The following SLK variants were observed in gnomAD, a reference collection of about 807,000 sequenced individuals.
SLK encodes the protein STE20 like kinase.
A neutral mutation model predicts 147.7 loss-of-function variants in SLK; 67 were observed. The ratio of observed to expected loss-of-function variants is 0.45; its 90% confidence interval spans 0.37 to 0.56. The LOEUF (loss-of-function observed/expected upper bound fraction) is 0.56, where lower values mean the gene tolerates loss of function less well. Ranked by LOEUF, SLK falls within the 20% of genes least tolerant of loss-of-function variation. The pLI, the probability that SLK is intolerant of heterozygous loss-of-function variation, is 0.00. For synonymous variants in SLK, 441 were observed against 475.0 expected (o/e 0.93, Z 0.93); for missense variants, 1,136 against 1,438.8 (o/e 0.79, Z 3.41).
At chr10:104,007,638 A>G (rs1346753933) in intron 11 of SLK, among the ~76,000 whole-genome samples, 1 of 88,400 alleles carries the variant, frequency 1.1e-5, no homozygotes, top group Non-Finnish European at 2.2e-5. Flanking sequence ...AACAGAAAAG[A>G]AAAAAAAAAA....
At chr10:103,986,692 T>G (rs200940931) in intron 1 of SLK, among the ~76,000 whole-genome samples, 3 of 125,080 alleles carry the variant, frequency 2.4e-5, no homozygotes, top group Non-Finnish European at 5.0e-5. Context: ...TTTTTTTTTT[T>G]CCCTGAGACA....
Position 103,999,919 on chromosome 10 carries a change from G to T in SLK, c.835G>T (p.Ala279Ser). Residue 279 changes from alanine to serine, a missense_variant, in exon 7 of 19, where the codon GCC (alanine) becomes TCC (serine). Physicochemically the swap from Ala to Ser is moderately conservative, Grantham distance 99 (BLOSUM62 1). Around this residue, in one of 6 missense-constraint regions of SLK, gnomAD observed 141 missense variants for 219.3 expected, o/e 0.64. Coordinates refer to ENST00000369755, the MANE Select transcript of SLK (RefSeq NM_014720.4). Reference sequence around the variant, plus strand: ...GAAATGCTTAGAAAAGAATGTGGATGCCAGGTGGACTACATCTCAGCTGCT... The same window carrying T: ...GAAATGCTTAGAAAAGAATGTGGATTCCAGGTGGACTACATCTCAGCTGCT... ...LKKCLEKNVD[A>S]RWTTSQLLQH... is the part of the protein sequence containing the mutation. The T allele has an allele frequency of 6.4e-7, 1 of 1,561,606 alleles. No homozygotes were observed.
At chr10:103,989,868 A>G (rs1844068855) in intron 1 of SLK, among the ~76,000 whole-genome samples, 1 of 152,228 alleles carries the variant, frequency 6.6e-6, no homozygotes, top group Admixed American at 6.5e-5. Flanking sequence ...AAACATGTCT[A>G]CACAGAAACC....
At chr10:104,007,540 G>A (rs1294159962) in intron 11 of SLK, among the ~76,000 whole-genome samples, 4 of 151,902 alleles carry the variant, frequency 2.6e-5, no homozygotes, top group East Asian at 1.9e-4. Flanking sequence ...TCTGGGAGGC[G>A]GAGGTTGTAG....
chr10:103,990,861 A>T, intron 2 of SLK, 22 bp downstream of exon 2: 1 of 1,439,676 alleles, frequency 6.9e-7, no homozygotes, highest in South Asian at 1.6e-5. Flanking sequence ...CTGTTGATCT[A>T]AAGGAGTAGC....
At chr10:103,975,189 C>A (rs76416280) in intron 1 of SLK, among the ~76,000 whole-genome samples, 28 of 150,542 alleles carry the variant, frequency 1.9e-4, no homozygotes, top group Admixed American at 1.8e-3. Flanking sequence ...CTAAGACCTC[C>A]CTTTTGAACT....
intron 11 of SLK, among the ~76,000 whole-genome samples, 165 bp downstream of exon 11, chr10:104,006,200 G>A (rs1304976544): frequency 6.6e-6 from 1 of 152,102 alleles, no homozygotes; most frequent in African/African-American, 2.4e-5. Context: ...TGGTGTTCTG[G>A]ATGCCTTTTA....
At chr10:104,014,767 C>G (rs1844441547) in intron 13 of SLK, among the ~76,000 whole-genome samples, 1 of 151,918 alleles carries the variant, frequency 6.6e-6, no homozygotes. Flanking sequence ...ATTGTTTATC[C>G]ACATTTAAAC....
chr10:103,984,963 G>T (rs1011353214), intron 1 of SLK, among the ~76,000 whole-genome samples: 2 of 152,154 alleles, frequency 1.3e-5, no homozygotes, highest in Non-Finnish European at 2.9e-5. Context: ...ATTTTTAATA[G>T]ATTTTTATGC....
rs199817641 is a variant in SLK at position 104,025,714 on chromosome 10, A to G, written c.3702A>G (p.Gly1234=). The change falls in exon 19 of 19, where the codon GGA becomes GGG. Residue 1234 remains glycine, a synonymous_variant. Coordinates refer to ENST00000369755, the MANE Select transcript of SLK (RefSeq NM_014720.4). ...CTATTCCCAGCTTGCATTCCACCGG[A>G]TCATAACAAAGGGAAGCATTCTGTG... ...FYPIPSLHST[G]S 5.6e-6 allele frequency: 9 copies of G among 1,613,918 alleles called. No homozygotes were observed. Among genetic ancestry groups the G allele is most frequent in the African/African-American group, 1.3e-5 (1 of 74,906 alleles).
At chr10:104,024,298 C>T (rs181211561) in intron 18 of SLK, among the ~76,000 whole-genome samples, 1 of 152,326 alleles carries the variant, frequency 6.6e-6, no homozygotes, top group African/African-American at 2.4e-5. Flanking sequence ...ACTCGCCTGC[C>T]ATCACCGGAG....
chr10:104,001,989 T>G (rs1333230961), intron 8 of SLK, among the ~76,000 whole-genome samples, 183 bp from the exon 9 acceptor site: 1 of 152,226 alleles, frequency 6.6e-6, no homozygotes, highest in Non-Finnish European at 1.5e-5. Context: ...GTGCTGGGAT[T>G]ACAGGTGTGT....
In SLK at chr10:103,993,039, A is replaced by C. The variant is rs745837156; in HGVS notation, c.420A>C (p.Leu140Phe). The C allele has an allele frequency of 6.2e-7, 1 of 1,610,102 alleles. No homozygotes were observed. Among genetic ancestry groups the C allele is most frequent in the Non-Finnish European group, 8.5e-7 (1 of 1,176,820 alleles). The change falls in exon 4 of 19, where the codon TTA becomes TTC. Residue 140 changes from leucine to phenylalanine, a missense_variant. Physicochemically the swap from Leu to Phe is conservative, Grantham distance 22. Around this residue, in one of 6 missense-constraint regions of SLK, gnomAD observed 141 missense variants for 219.3 expected, o/e 0.64. Transcript: ENST00000369755. ...TACAAGTAGTTTGCAAGCAGACTTT[A>C]GATGCATTGAACTACTTACATGATA... ...SQIQVVCKQT[L>F]DALNYLHDNK...
intron 4 of SLK, among the ~76,000 whole-genome samples, chr10:103,996,783 T>C (rs1191017297): frequency 2.0e-5 from 3 of 152,178 alleles, no homozygotes; most frequent in South Asian, 2.1e-4. Context: ...GATCTGAGCA[T>C]TTGTTTGTTC....
At chr10:103,968,254 A>G (rs755491489) in intron 1 of SLK, among the ~76,000 whole-genome samples, 5 of 152,242 alleles carry the variant, frequency 3.3e-5, no homozygotes, top group Admixed American at 3.3e-4. Context: ...GGATTTGTCT[A>G]CTGACTGCAT....
intron 1 of SLK, among the ~76,000 whole-genome samples, chr10:103,986,655 C>T (rs948543093): frequency 6.1e-5 from 9 of 147,052 alleles, no homozygotes; most frequent in African/African-American, 2.3e-4. Flanking sequence ...TTCATTAAGC[C>T]TTTATGTGAA....
chr10:104,019,414 A>C (rs2134531263), intron 15 of SLK, among the ~76,000 whole-genome samples: 1 of 152,034 alleles, frequency 6.6e-6, no homozygotes, highest in African/African-American at 2.4e-5. Context: ...ACATTCATGC[A>C]CCACCACACC....
intron 1 of SLK, among the ~76,000 whole-genome samples, chr10:103,975,959 C>T (rs1843864632): frequency 6.6e-6 from 1 of 152,054 alleles, no homozygotes; most frequent in Admixed American, 6.5e-5. Flanking sequence ...TCACCTCTGT[C>T]ATCCAGGCCG....
chr10:103,976,584 TAA>T (rs879848971), intron 1 of SLK, among the ~76,000 whole-genome samples: 2 of 146,472 alleles, frequency 1.4e-5, no homozygotes, highest in African/African-American at 5.0e-5. Context: ...TTTGCCCAAT[TAA>T]AAAAAAAAAG....
Sources: gnomAD v4.1 joint callset for allele counts (sites outside exome capture counted in the v4.1 genomes callset) on GRCh38, gnomAD v4.1.1 for gene constraint, gnomAD v4.1.1 regional missense constraint, MANE v1.5 for transcripts, NCBI Gene and HGNC (gene_info 2026-07-23, HGNC 2026-07-21) for gene names.